Variants in LRRC4C observed in about 807,000 individuals in gnomAD.
LRRC4C encodes leucine rich repeat containing 4C, also known as leucine-rich repeat-containing protein 4C.
In LRRC4C, 5 loss-of-function variants were observed where a neutral mutation model predicts 33.6. The observed-to-expected ratio is 0.15, with a 90% CI of 0.08 to 0.31. LRRC4C has a LOEUF of 0.31. Among genes scored for constraint, LRRC4C ranks in the 10% least tolerant of loss-of-function variants. LRRC4C has a pLI of 1.00. For synonymous variants in LRRC4C, 329 were observed against 302.0 expected (o/e 1.09, Z -0.93); for missense variants, 560 against 796.7 (o/e 0.70, Z 3.58).
intron 1 of LRRC4C, among the ~76,000 whole-genome samples, chr11:41,023,583 T>C (rs1252592864): frequency 6.6e-6 from 1 of 151,738 alleles, no homozygotes; most frequent in African/African-American, 2.4e-5. Flanking sequence ...TTTCTAGGCA[T>C]AAGGAGCTTA....
At chr11:40,263,267 G>C (rs1035499299) in intron 4 of LRRC4C, among the ~76,000 whole-genome samples, 2 of 152,144 alleles carry the variant, frequency 1.3e-5, no homozygotes, top group African/African-American at 4.8e-5. Context: ...CATGGGACCA[G>C]TGATTTTCAA....
intron 1 of LRRC4C, among the ~76,000 whole-genome samples, chr11:41,375,878 C>T (rs1325166129): frequency 6.6e-6 from 1 of 151,848 alleles, no homozygotes; most frequent in Non-Finnish European, 1.5e-5. Context: ...TATTAATATT[C>T]ATAAATTTTA....
At chr11:40,383,366 T>C (rs1948969550) in intron 3 of LRRC4C, among the ~76,000 whole-genome samples, 1 of 152,194 alleles carries the variant, frequency 6.6e-6, no homozygotes, top group South Asian at 2.1e-4. Flanking sequence ...TTCCTTTGGG[T>C]ATATACCCAG....
chr11:40,863,364 G>C (rs546935861), intron 2 of LRRC4C, among the ~76,000 whole-genome samples: 258 of 152,250 alleles, frequency 1.7e-3, no homozygotes, highest in South Asian at 3.7e-3. Context: ...GAAATTTAAG[G>C]ACGGGATAGT....
chr11:40,407,401 T>C (rs1366583565), intron 3 of LRRC4C, among the ~76,000 whole-genome samples: 1 of 152,032 alleles, frequency 6.6e-6, no homozygotes. Context: ...TTGATTTAGG[T>C]TGGTGTTCGT....
chr11:40,844,537 T>A (rs1014118110), intron 2 of LRRC4C, among the ~76,000 whole-genome samples: 9 of 152,142 alleles, frequency 5.9e-5, no homozygotes, highest in African/African-American at 7.2e-5. Flanking sequence ...GTAAAAGATA[T>A]CCAAAAAGAA....
chr11:41,317,124 C>A, intron 1 of LRRC4C, among the ~76,000 whole-genome samples: 1 of 152,192 alleles, frequency 6.6e-6, no homozygotes, highest in Non-Finnish European at 1.5e-5. Flanking sequence ...ACACTGGTTT[C>A]TGTATTAAAT....
chr11:41,001,451 A>G (rs1186164449), intron 1 of LRRC4C, among the ~76,000 whole-genome samples: 1 of 152,084 alleles, frequency 6.6e-6, no homozygotes, highest in Non-Finnish European at 1.5e-5. Context: ...CAAATAAGGG[A>G]GTTGGTGACA....
intron 1 of LRRC4C, among the ~76,000 whole-genome samples, chr11:41,426,862 G>A (rs1955059776): frequency 6.6e-6 from 1 of 152,114 alleles, no homozygotes; most frequent in African/African-American, 2.4e-5. Context: ...CTCTTCACAT[G>A]GTCTCTAATC....
chr11:40,625,924 T>C (rs1357394343), intron 3 of LRRC4C, among the ~76,000 whole-genome samples: 1 of 152,150 alleles, frequency 6.6e-6, no homozygotes, highest in African/African-American at 2.4e-5. Flanking sequence ...TCACCAAGTC[T>C]AATCTCAAAA....
intron 6 of LRRC4C, among the ~76,000 whole-genome samples, chr11:40,116,867 G>T (rs1246434419): frequency 1.3e-5 from 2 of 152,122 alleles, no homozygotes; most frequent in African/African-American, 4.8e-5. Flanking sequence ...TAAAAATGTA[G>T]GAAGCCTTAT....
At chr11:40,661,276 A>G (rs1028940470) in intron 2 of LRRC4C, among the ~76,000 whole-genome samples, 1 of 152,130 alleles carries the variant, frequency 6.6e-6, no homozygotes, top group African/African-American at 2.4e-5. Flanking sequence ...TTTTCTAATG[A>G]TTTGAAACAA....
chr11:41,052,315 A>T (rs906677859), intron 1 of LRRC4C, among the ~76,000 whole-genome samples: 1 of 152,082 alleles, frequency 6.6e-6, no homozygotes, highest in African/African-American at 2.4e-5. Context: ...CTAAATTCTG[A>T]TTGCATTCAA....
At chr11:41,098,692 GA>G (rs1375881576) in intron 1 of LRRC4C, among the ~76,000 whole-genome samples, 3 of 152,046 alleles carry the variant, frequency 2.0e-5, no homozygotes, top group Non-Finnish European at 4.4e-5. Context: ...ACTGCTTAGG[GA>G]AAAACTTATA....
At chr11:40,194,731 G>T (rs1241235681) in intron 5 of LRRC4C, among the ~76,000 whole-genome samples, 2 of 152,092 alleles carry the variant, frequency 1.3e-5, no homozygotes, top group Non-Finnish European at 2.9e-5. Flanking sequence ...TAACAAACCT[G>T]CACGTTCTGC....
chr11:41,034,453 C>CTATATATATGTGTGTATATATATATATAT (rs1323174825), intron 1 of LRRC4C, among the ~76,000 whole-genome samples: 150 of 146,102 alleles, frequency 1.0e-3, no homozygotes, highest in African/African-American at 3.7e-3. Context: ...CACACACACA[C>CTATATATATGTGTGTATATATATATATAT]ACACCATATA....
intron 1 of LRRC4C, among the ~76,000 whole-genome samples, chr11:41,304,902 T>C (rs1950435833): frequency 1.9e-5 from 1 of 51,760 alleles, no homozygotes; most frequent in African/African-American, 5.1e-5. Context: ...AGCCGCCCCA[T>C]CCGGGAGGGA....
intron 3 of LRRC4C, among the ~76,000 whole-genome samples, chr11:40,390,139 C>T (rs1191521514): frequency 6.6e-6 from 1 of 152,198 alleles, no homozygotes; most frequent in Non-Finnish European, 1.5e-5. Flanking sequence ...AATCAAAACA[C>T]ATCAGCTCCT....
intron 1 of LRRC4C, among the ~76,000 whole-genome samples, chr11:41,021,162 AG>A (rs1284278964): frequency 1.4e-3 from 1 of 704 alleles, no homozygotes; most frequent in African/African-American, 1.6e-3. Context: ...CATCTGAGAG[AG>A]AGAGAGAGAG....
Sources: allele counts gnomAD v4.1 joint callset (sites outside exome capture counted in the v4.1 genomes callset), GRCh38; gene constraint gnomAD v4.1.1; transcripts MANE v1.5; gene names NCBI Gene and HGNC (gene_info 2026-07-23, HGNC 2026-07-21).